The following CAMTA1 variants were observed in gnomAD, a reference collection of about 807,000 sequenced individuals.
CAMTA1 encodes calmodulin-binding transcription activator 1.
CAMTA1 carries 27 observed loss-of-function variants against 170.9 expected under a neutral mutation model. The observed-to-expected ratio is 0.16, with a 90% CI of 0.12 to 0.22. The LOEUF is 0.22. Among genes scored for constraint, CAMTA1 ranks in the 10% least tolerant of loss-of-function variants. The pLI, the probability that CAMTA1 is intolerant of heterozygous loss-of-function variation, is 1.00. For synonymous variants in CAMTA1, 833 were observed against 891.5 expected, an observed-to-expected ratio of 0.93 and a Z score of 1.17; for missense variants, 1,619 against 2,217.2, an observed-to-expected ratio of 0.73 and a Z score of 5.42.
At chr1:7,369,708 G>A (rs1270320027) in intron 5 of CAMTA1, among the ~76,000 whole-genome samples, 1 of 152,094 alleles carries the variant, frequency 6.6e-6, no homozygotes. Flanking sequence ...GACCTGGTTA[G>A]CTACCCACAT....
intron 10 of CAMTA1, among the ~76,000 whole-genome samples, chr1:7,671,470 C>G (rs1194712944): frequency 6.6e-6 from 1 of 152,218 alleles, no homozygotes; most frequent in Non-Finnish European, 1.5e-5. Flanking sequence ...CAACCAGAAG[C>G]CAGGAGAGCC....
At position 7,562,268 on chromosome 1, in the gene CAMTA1, C is replaced by T. The variant is rs1003915989; in HGVS notation, c.511-78132C>T. Among the ~76,000 whole-genome samples, 2 of 152,216 alleles carry T rather than the reference C, an allele frequency of 1.3e-5. No individual in the cohort carries two copies. Among genetic ancestry groups the T allele is most frequent in the Non-Finnish European group, 2.9e-5 (2 of 68,046 alleles). ...TGTGTGTTAGACAACTGTCACTCAGCATATTTGATGGTGTTTTGCCTTGGT... is the reference window on the plus strand; with the variant it reads ...TGTGTGTTAGACAACTGTCACTCAGTATATTTGATGGTGTTTTGCCTTGGT... On this transcript the variant is annotated intron_variant, in intron 6 of 22. Coordinates refer to ENST00000303635, the MANE Select transcript of CAMTA1 (RefSeq NM_015215.4). This position sits in a 1 kb window ranked among gnomAD's most constrained non-coding sequence, Gnocchi z 4.8.
At chr1:7,586,436 G>A (rs1164518696) in intron 6 of CAMTA1, among the ~76,000 whole-genome samples, 1 of 152,144 alleles carries the variant, frequency 6.6e-6, no homozygotes, top group Non-Finnish European at 1.5e-5. Flanking sequence ...CCAGCCTGGA[G>A]TTCTAAACCC....
intron 3 of CAMTA1, among the ~76,000 whole-genome samples, chr1:6,864,044 A>G (rs566774049): frequency 2.0e-5 from 3 of 152,322 alleles, no homozygotes; most frequent in East Asian, 3.9e-4. Flanking sequence ...AAGGAAGACC[A>G]CAGCGGCAAA....
intron 6 of CAMTA1, among the ~76,000 whole-genome samples, chr1:7,469,985 G>A (rs972799073): frequency 1.3e-5 from 2 of 152,210 alleles, no homozygotes; most frequent in Non-Finnish European, 2.9e-5. Context: ...TGATTCATGT[G>A]TGTCTGGTTC....
At chr1:6,888,021 C>A in intron 3 of CAMTA1, 2 of 1,135,354 alleles carry the variant, frequency 1.8e-6, no homozygotes, top group Non-Finnish European at 2.2e-6. Flanking sequence ...GTCCCCTCAG[C>A]AAGCTGCCTT....
chr1:7,295,479 C>G lies in CAMTA1; in HGVS notation c.438+45853C>G, dbSNP rs78537908. Among the ~76,000 whole-genome samples the G allele has an allele frequency of 2.5e-3, 375 of 152,270 alleles. 3 individuals are homozygous for G. The highest frequency in any genetic ancestry group is 8.7e-3 in the African/African-American group (360 of 41,534). On this transcript the variant is annotated intron_variant, in intron 5 of 22. Transcript: ENST00000303635. The stretch of plus-strand genomic sequence containing the variant: ...TGGTACTTAGCAGCGTTCTAGGCAC[C>G]TGGTAAGGGTTTGAGTAAAACAGAC...
At chr1:7,557,060 C>G (rs1430427082) in intron 6 of CAMTA1, among the ~76,000 whole-genome samples, 3 of 152,108 alleles carry the variant, frequency 2.0e-5, no homozygotes, top group Non-Finnish European at 4.4e-5. Flanking sequence ...GTAATCCCAG[C>G]ACTTGGGGAG....
intron 6 of CAMTA1, among the ~76,000 whole-genome samples, chr1:7,485,244 G>A (rs1268535851): frequency 1.3e-5 from 2 of 152,100 alleles, no homozygotes; most frequent in African/African-American, 4.8e-5. Context: ...AGCTGCAGTT[G>A]CCAGTTGTCA....
intron 12 of CAMTA1, among the ~76,000 whole-genome samples, chr1:7,735,346 A>C (rs571447386): frequency 9.2e-4 from 140 of 151,974 alleles, no homozygotes; most frequent in Middle Eastern, 3.4e-3. Context: ...AAATACAAAA[A>C]TTAGCTAGAA....
intron 6 of CAMTA1, among the ~76,000 whole-genome samples, chr1:7,600,964 T>A (rs1423189541): frequency 6.6e-6 from 1 of 151,962 alleles, no homozygotes; most frequent in Non-Finnish European, 1.5e-5. Context: ...AAACCACCAT[T>A]GTCATCATGG....
At chr1:7,320,977 C>T (rs1019939648) in intron 5 of CAMTA1, among the ~76,000 whole-genome samples, 15 of 152,134 alleles carry the variant, frequency 9.9e-5, no homozygotes, top group African/African-American at 3.6e-4. Flanking sequence ...GCCAAACCAT[C>T]CTCAAAATAC....
At chr1:7,334,927 A>G (rs2083257946) in intron 5 of CAMTA1, among the ~76,000 whole-genome samples, 6 of 152,176 alleles carry the variant, frequency 3.9e-5, no homozygotes, top group Admixed American at 3.9e-4. Context: ...AGAACATGTC[A>G]TAGCATGACT....
chr1:7,379,799 G>C (rs1314976239), intron 5 of CAMTA1, among the ~76,000 whole-genome samples: 2 of 152,142 alleles, frequency 1.3e-5, no homozygotes, highest in African/African-American at 4.8e-5. Flanking sequence ...GCCTCTCCTT[G>C]CCTCTTCCTC....
At chr1:7,505,097 C>T (rs1012287908) in intron 6 of CAMTA1, among the ~76,000 whole-genome samples, 2 of 152,236 alleles carry the variant, frequency 1.3e-5, no homozygotes, top group Admixed American at 6.5e-5. Context: ...CCTTCACGGG[C>T]GGAAGTGGCA....
intron 5 of CAMTA1, among the ~76,000 whole-genome samples, chr1:7,305,207 A>G (rs370627505): frequency 2.0e-5 from 3 of 152,028 alleles, no homozygotes; most frequent in Non-Finnish European, 2.9e-5. Flanking sequence ...TTCTGTTTCA[A>G]TGAATTGTCT....
chr1:7,513,047 C>G (rs1221020884), intron 6 of CAMTA1, among the ~76,000 whole-genome samples: 1 of 152,206 alleles, frequency 6.6e-6, no homozygotes, highest in Non-Finnish European at 1.5e-5. Flanking sequence ...GAGTGACAGG[C>G]ACTGACTCCC....
chr1:7,627,460 C>T (rs903957177), intron 6 of CAMTA1, among the ~76,000 whole-genome samples: 1 of 152,166 alleles, frequency 6.6e-6, no homozygotes, highest in Non-Finnish European at 1.5e-5. Flanking sequence ...AATACCTGGC[C>T]CTTCTGAAGG....
chr1:7,027,914 T>C (rs1358731866), intron 3 of CAMTA1, among the ~76,000 whole-genome samples: 1 of 151,852 alleles, frequency 6.6e-6, no homozygotes, highest in Non-Finnish European at 1.5e-5. Flanking sequence ...CTTTTCTTTT[T>C]TTTTTTTTGA....
Sources: allele counts gnomAD v4.1 joint callset (sites outside exome capture counted in the v4.1 genomes callset), GRCh38; gene constraint gnomAD v4.1.1; non-coding constraint Gnocchi (gnomAD v3.1); transcripts MANE v1.5; gene names NCBI Gene and HGNC (gene_info 2026-07-23, HGNC 2026-07-21).